BCKDHB: variants seen among roughly 807,000 people sequenced by gnomAD.
The protein encoded by BCKDHB is branched chain keto acid dehydrogenase E1 subunit beta, also known as 2-oxoisovalerate dehydrogenase subunit beta, mitochondrial.
BCKDHB carries 41 observed loss-of-function variants against 48.5 expected under a neutral mutation model. The observed-to-expected ratio is 0.85, with a 90% CI of 0.66 to 1.10. BCKDHB has a LOEUF of 1.10. Ranked by LOEUF, BCKDHB falls within the 50% of genes least tolerant of loss-of-function variation. The probability of loss-of-function intolerance (pLI) is 0.00; values close to 1 mark genes in which losing one functional copy is unlikely to be tolerated. For missense variants in BCKDHB, 496 were observed against 494.2 expected, an observed-to-expected ratio of 1.00 and a Z score of -0.03; for synonymous variants, 201 against 174.8, an observed-to-expected ratio of 1.15 and a Z score of -1.18.
chr6:80,215,991 C>T (rs1330761033), intron 8 of BCKDHB, among the ~76,000 whole-genome samples: 5 of 152,188 alleles, frequency 3.3e-5, no homozygotes, highest in African/African-American at 9.7e-5. Context: ...CCGCCTACCT[C>T]GGCCTCCCAA....
At chr6:80,343,545 AT>A in intron 9 of BCKDHB, 118 bp from the exon 10 acceptor site, 1 of 1,122,832 alleles carries the variant, frequency 8.9e-7, no homozygotes, top group Non-Finnish European at 1.3e-6. Context: ...ATACTTAAAT[AT>A]TTTTAATGTC....
intron 5 of BCKDHB, among the ~76,000 whole-genome samples, chr6:80,170,204 T>G (rs907163050): frequency 6.6e-6 from 1 of 152,168 alleles, no homozygotes; most frequent in African/African-American, 2.4e-5. Context: ...AATAAAATTT[T>G]TTATACAGAA....
intron 3 of BCKDHB, among the ~76,000 whole-genome samples, chr6:80,163,069 C>T (rs140345896): frequency 4.7e-4 from 71 of 151,934 alleles, no homozygotes; most frequent in Admixed American, 1.8e-3. Flanking sequence ...ACTACAGGCA[C>T]GTGCCACCAC....
intron 3 of BCKDHB, among the ~76,000 whole-genome samples, chr6:80,155,869 T>G (rs894478563): frequency 2.6e-5 from 4 of 151,828 alleles, no homozygotes; most frequent in African/African-American, 9.7e-5. Context: ...GTTTTCTTTT[T>G]TTGAGTGCTT....
the BCKDHB span, chr6:80,374,059 A>G: frequency 1.5e-6 from 1 of 679,914 alleles, no homozygotes. Flanking sequence ...TTCTTCTGGG[A>G]TATCTTTTTC....
intron 6 of BCKDHB, among the ~76,000 whole-genome samples, chr6:80,199,492 G>T (rs1460357074): frequency 6.6e-6 from 1 of 152,018 alleles, no homozygotes; most frequent in African/African-American, 2.4e-5. Flanking sequence ...AAGAACTCAA[G>T]AATGGCTAGG....
chr6:80,349,686 A>T (rs1051320890), downstream of BCKDHB, among the ~76,000 whole-genome samples: 2 of 152,210 alleles, frequency 1.3e-5, no homozygotes, highest in Non-Finnish European at 2.9e-5. Flanking sequence ...AGAAGAAAAT[A>T]TGCATTCGAA....
chr6:80,409,775 C>T, the BCKDHB span, among the ~76,000 whole-genome samples: 1 of 151,198 alleles, frequency 6.6e-6, no homozygotes, highest in Non-Finnish European at 1.5e-5. Flanking sequence ...CCATTTACTT[C>T]ATAGATTTTC....
intron 1 of BCKDHB, among the ~76,000 whole-genome samples, chr6:80,120,026 G>A (rs1292590273): frequency 6.6e-6 from 1 of 151,796 alleles, no homozygotes; most frequent in Non-Finnish European, 1.5e-5. Flanking sequence ...CCCAATCCCC[G>A]ACAGGCCCTG....
At chr6:80,289,565 GGAAGCTGGCAGCCCT>G (rs1307074051) in intron 9 of BCKDHB, among the ~76,000 whole-genome samples, 36 of 152,224 alleles carry the variant, frequency 2.4e-4, no homozygotes, top group African/African-American at 8.4e-4. Context: ...TGAAGAGTAA[GGAAGCTGGCAGCCCT>G]GTGCTGGGTA....
intron 8 of BCKDHB, among the ~76,000 whole-genome samples, chr6:80,243,530 A>G (rs765674610): frequency 1.3e-5 from 2 of 152,222 alleles, no homozygotes; most frequent in Non-Finnish European, 2.9e-5. Context: ...GTCCTTAAAT[A>G]TCTCTCTCTC....
At chr6:80,398,376 T>C in the BCKDHB span, among the ~76,000 whole-genome samples, 3 of 151,820 alleles carry the variant, frequency 2.0e-5, no homozygotes, top group African/African-American at 7.3e-5. Context: ...TAAATACAAT[T>C]AGAAACTACA....
At chr6:80,227,899 T>C (rs1775747128) in intron 8 of BCKDHB, among the ~76,000 whole-genome samples, 2 of 152,158 alleles carry the variant, frequency 1.3e-5, no homozygotes, top group African/African-American at 4.8e-5. Flanking sequence ...GAACCCACTG[T>C]AGGGGGTTAG....
intron 9 of BCKDHB, among the ~76,000 whole-genome samples, chr6:80,337,048 T>C (rs1266618140): frequency 2.0e-5 from 3 of 152,150 alleles, no homozygotes; most frequent in African/African-American, 7.2e-5. Flanking sequence ...GTTTATTTAA[T>C]TCAGTAATGA....
the BCKDHB span, among the ~76,000 whole-genome samples, chr6:80,361,609 C>T: frequency 2.6e-5 from 4 of 152,166 alleles, no homozygotes; most frequent in Non-Finnish European, 5.9e-5. Context: ...GCTGCTCTTA[C>T]TATGATCAAA....
rs1470047000 is a variant in BCKDHB, at chr6:80,345,362, A to G, written c.*1558A>G. On this transcript the variant is annotated 3_prime_UTR_variant, in exon 10 of 10. Transcript: ENST00000320393. ...AACTCTGTATAATAGCACATTCTCT[A>G]CTTTTTAAAGATCAGAAATGCTAGA... is the stretch of plus-strand genomic sequence containing the variant. 6.6e-6 allele frequency: 1 copy of G among 152,176 alleles called. No individual in the cohort carries two copies. Among genetic ancestry groups the G allele is most frequent in the Non-Finnish European group, 1.5e-5 (1 of 68,044 alleles). 9.4% of individuals were successfully genotyped at this position (152,176 alleles called of 1,614,324 possible).
chr6:80,141,758 G>A (rs1396639483), intron 3 of BCKDHB, among the ~76,000 whole-genome samples: 1 of 152,058 alleles, frequency 6.6e-6, no homozygotes, highest in Non-Finnish European at 1.5e-5. Flanking sequence ...GAGACCATGT[G>A]TATTTTATTA....
At chr6:80,152,052 A>G (rs1272721935) in intron 3 of BCKDHB, among the ~76,000 whole-genome samples, 1 of 152,204 alleles carries the variant, frequency 6.6e-6, no homozygotes, top group Non-Finnish European at 1.5e-5. Flanking sequence ...TGAAGCTGGT[A>G]TCACAAGGAT....
Position 80,106,673 on chromosome 6 carries a change from G to A in BCKDHB, c.-21G>A. ...GGCGGCGTGCGGCTGCATAGCCTGA[G>A]AATCCCGGTGGTGAGCGGGGATGGC... On this transcript the variant is annotated 5_prime_UTR_variant, in exon 1 of 10. Coordinates refer to ENST00000320393, the MANE Select transcript of BCKDHB (RefSeq NM_183050.4). 3.2e-6 allele frequency: 5 copies of A among 1,549,018 alleles called. No homozygotes were observed. Among genetic ancestry groups the A allele is most frequent in the Non-Finnish European group, 4.4e-6 (5 of 1,146,740 alleles).
Sources: gnomAD v4.1 joint callset for allele counts (sites outside exome capture counted in the v4.1 genomes callset) on GRCh38, gnomAD v4.1.1 for gene constraint, MANE v1.5 for transcripts, NCBI Gene and HGNC (gene_info 2026-07-23, HGNC 2026-07-21) for gene names.